Variants in ZNF805 observed in about 807,000 individuals in gnomAD.
The protein encoded by ZNF805 is zinc finger protein 805.
ZNF805 carries 7 observed loss-of-function variants against 13.6 expected under a neutral mutation model. The observed-to-expected ratio is 0.51, with a 90% confidence interval of 0.29 to 0.97. The LOEUF is 0.97. Among genes scored for constraint, ZNF805 ranks in the 50% least tolerant of loss-of-function variants. The pLI, the probability that ZNF805 is intolerant of heterozygous loss-of-function variation, is 0.08. For synonymous variants in ZNF805, 293 were observed against 279.8 expected (o/e 1.05, Z -0.47); for missense variants, 604 against 771.0 (o/e 0.78, Z 2.57).
rs1385591333 is a variant in ZNF805, at chr19:57,258,460, A to G, written c.*3757A>G. Among the ~76,000 whole-genome samples the G allele has an allele frequency of 8.6e-6, 1 of 116,472 alleles. No individual in the cohort carries two copies. The highest frequency in any genetic ancestry group is 1.9e-5 in the Non-Finnish European group (1 of 51,406). The allele number at this position is 116,472 out of a possible 152,430, so 76.4% of individuals were successfully genotyped here. A position where few individuals can be genotyped will look rare whatever the true frequency, so the allele number is the denominator to read the frequency against. On this transcript the variant is annotated 3_prime_UTR_variant, in exon 4 of 4. Transcript: ENST00000414468. ...GGGTTTTTTTTTTTTTGTCTTTAAC[A>G]TTTTTTAGAATTCCATTTGATATAT...
chr19:57,250,302 G>A (rs542785267), intron 3 of ZNF805, among the ~76,000 whole-genome samples: 3 of 152,190 alleles, frequency 2.0e-5, no homozygotes, highest in South Asian at 4.2e-4. Context: ...GCGCGATCTC[G>A]GCTCACCGCA....
chr19:57,245,769 A>G (rs917926604), intron 2 of ZNF805, among the ~76,000 whole-genome samples: 3 of 148,872 alleles, frequency 2.0e-5, no homozygotes, highest in Non-Finnish European at 4.4e-5. Flanking sequence ...ACAGAGCGAG[A>G]CTCCATCTCA....
In ZNF805 at chr19:57,248,621, A is replaced by C. The variant is rs754695347; in HGVS notation, c.174A>C (p.Arg58Ser). Residue 58 changes from arginine (R) to serine (S), a missense_variant, in exon 3 of 4, where the codon AGA becomes AGC. Arg to Ser is a moderately radical substitution (Grantham distance 110). Transcript: ENST00000414468. ...LLVSLGCPVP[R>S]PELIYHLEHG... Reference sequence around the variant, plus strand: ...CATAAACAGGGTGTCCTGTTCCCAGACCTGAGCTGATCTACCACCTAGAGC... The same window carrying C: ...CATAAACAGGGTGTCCTGTTCCCAGCCCTGAGCTGATCTACCACCTAGAGC... The C allele has an allele frequency of 2.5e-6, 4 of 1,595,344 alleles. No individual in the cohort carries two copies. Among genetic ancestry groups the C allele is most frequent in the Non-Finnish European group, 3.4e-6 (4 of 1,170,200 alleles).
At chr19:57,249,134 TAG>T (rs1464502801) in intron 3 of ZNF805, among the ~76,000 whole-genome samples, 5 of 152,346 alleles carry the variant, frequency 3.3e-5, no homozygotes, top group African/African-American at 1.2e-4. Flanking sequence ...ATTCAGGACC[TAG>T]AGTCCTTCTG....
chr19:57,245,707 A>T (rs1338753176), intron 2 of ZNF805, among the ~76,000 whole-genome samples: 1 of 151,296 alleles, frequency 6.6e-6, no homozygotes, highest in East Asian at 2.0e-4. Context: ...TGAACCCAGG[A>T]GGCGGAGCTT....
In ZNF805 at chr19:57,254,930, G is replaced by A. The variant is rs892165561; in HGVS notation, c.*227G>A. The A allele has an allele frequency of 1.1e-5, 6 of 534,424 alleles. No individual in the cohort carries two copies. The Admixed American group carries it at 2.2e-4, about 19-fold the overall frequency. 33.1% of individuals were successfully genotyped at this position (534,424 alleles called of 1,614,324 possible). ...GGTGACATAGAAAAGAAAATGAAAT[G>A]CAGACACTGCTTTTATACTGTTGTC... On this transcript the variant is annotated 3_prime_UTR_variant, in exon 4 of 4. Transcript: ENST00000414468.
chr19:57,261,469 T>C lies in ZNF805; in HGVS notation c.*6766T>C, dbSNP rs1289927667. ...CACATTGTGGCCATTTCTTTTTCCT[T>C]TATCATTCCCACGTCCGGCCACTGC... On this transcript the variant is annotated 3_prime_UTR_variant, in exon 4 of 4. Transcript: ENST00000414468. 1.2e-5 allele frequency: 2 copies of C among 167,076 alleles called. No homozygotes were observed. The highest frequency in any genetic ancestry group is 4.8e-5 in the African/African-American group (2 of 41,444). The allele number at this position is 167,076 out of a possible 1,614,324, so 10.3% of individuals were successfully genotyped here.
rs369328282 is a variant in ZNF805 at position 57,245,555 on chromosome 19, G to A, written c.157+1506G>A. On this transcript the variant is annotated intron_variant, in intron 2 of 3. Coordinates refer to ENST00000414468, the MANE Select transcript of ZNF805 (RefSeq NM_001023563.4). ...AGCACTTTGGGAGGCCGAGATGGGCGGATCACAAGGTCAGGAGATAGAGAC... is the reference window on the plus strand; with the variant it reads ...AGCACTTTGGGAGGCCGAGATGGGCAGATCACAAGGTCAGGAGATAGAGAC... Among the ~76,000 whole-genome samples, 71 of 150,932 alleles carry A rather than the reference G, an allele frequency of 4.7e-4. 1 individual carries two copies. In the East Asian group the frequency reaches 5.5e-3, roughly 12 times the overall value.
rs189360034 is a variant in ZNF805 at position 57,244,520 on chromosome 19, C to T, written c.157+471C>T. ...GCCACCACGCCTGGCCTACACTCAC[C>T]TCTTCCTATACAGTCTCCATGCATC... On this transcript the variant is annotated intron_variant, in intron 2 of 3. Coordinates refer to ENST00000414468, the MANE Select transcript of ZNF805 (RefSeq NM_001023563.4). Among the ~76,000 whole-genome samples the T allele has an allele frequency of 2.5e-3, 376 of 152,186 alleles. 3 individuals are homozygous for T. Among genetic ancestry groups the T allele is most frequent in the African/African-American group, 8.9e-3 (368 of 41,534 alleles).
At position 57,260,502 on chromosome 19, in the gene ZNF805, C is replaced by T. The variant is rs1429193274; in HGVS notation, c.*5799C>T. 6.6e-6 allele frequency among the ~76,000 whole-genome samples: 1 copy of T among 152,168 alleles called. No individual in the cohort carries two copies. The highest frequency in any genetic ancestry group is 2.4e-5 in the African/African-American group (1 of 41,438). ...TTGACCCCCTCACTCTCTTTTTGGA[C>T]CTCCATACTGCTAAATCTCTGACTT... On this transcript the variant is annotated 3_prime_UTR_variant, in exon 4 of 4. Transcript: ENST00000414468.
intron 2 of ZNF805, among the ~76,000 whole-genome samples, chr19:57,245,605 C>CCA (rs1568487990): frequency 4.0e-4 from 60 of 148,694 alleles, no homozygotes; most frequent in African/African-American, 1.3e-3. Flanking sequence ...CGGTGCAACC[C>CCA]TGTCTCTACT....
In ZNF805 at chr19:57,254,299, C is replaced by T. The variant is rs765822738; in HGVS notation, c.1480C>T (p.Arg494Cys). The T allele has an allele frequency of 5.0e-6, 8 of 1,613,860 alleles. No individual in the cohort carries two copies. The highest frequency in any genetic ancestry group is 1.3e-5 in the African/African-American group (1 of 74,850). ...CATGGAGTGTGGAAAGGCCTTCAACCGCAGGTCAGGCCTCACAAGGCACCA... is the reference window on the plus strand; with the variant it reads ...CATGGAGTGTGGAAAGGCCTTCAACTGCAGGTCAGGCCTCACAAGGCACCA... Reference protein sequence around the residue: ...ECMECGKAFNRRSGLTRHQRI... With the variant: ...ECMECGKAFNCRSGLTRHQRI... The change falls in exon 4 of 4, where the codon CGC becomes TGC. Residue 494 changes from arginine (R) to cysteine (C), a missense_variant. Transcript: ENST00000414468.
rs1345880042 is a variant in ZNF805, at chr19:57,257,935, T to C, written c.*3232T>C. On this transcript the variant is annotated 3_prime_UTR_variant, in exon 4 of 4. Coordinates refer to ENST00000414468, the MANE Select transcript of ZNF805 (RefSeq NM_001023563.4). ...GTTGGCCAGGCTGGTCTCGAACTCC[T>C]GACCTCAGGTGATCCACCTGCCTCA... Among the ~76,000 whole-genome samples, 1 of 151,652 alleles carries C rather than the reference T, an allele frequency of 6.6e-6. No homozygotes were observed. Among genetic ancestry groups the C allele is most frequent in the Non-Finnish European group, 1.5e-5 (1 of 67,930 alleles).
intron 1 of ZNF805, among the ~76,000 whole-genome samples, chr19:57,242,011 T>G (rs113276432): frequency 2.0e-5 from 3 of 152,338 alleles, no homozygotes; most frequent in African/African-American, 7.2e-5. Flanking sequence ...ACACAAGAAC[T>G]GTAACGGTTG....
chr19:57,248,817 G>C, intron 3 of ZNF805, 117 bp downstream of exon 3: 2 of 952,220 alleles, frequency 2.1e-6, no homozygotes, highest in Non-Finnish European at 3.3e-6. Context: ...GGGTTTGGGA[G>C]CCTTGGAGCC....
rs988078767 is a variant in ZNF805 at position 57,260,535 on chromosome 19, C to T, written c.*5832C>T. On this transcript the variant is annotated 3_prime_UTR_variant, in exon 4 of 4. Coordinates refer to ENST00000414468, the MANE Select transcript of ZNF805 (RefSeq NM_001023563.4). ...CTGCTAAATCTCTGACTTGAAGGTC[C>T]TTTCCTGGCTTCTGTGAATTCCTGG... Among the ~76,000 whole-genome samples, 1 of 152,178 alleles carries T rather than the reference C, an allele frequency of 6.6e-6. No homozygotes were observed. Among genetic ancestry groups the T allele is most frequent in the Non-Finnish European group, 1.5e-5 (1 of 68,044 alleles).
intron 2 of ZNF805, among the ~76,000 whole-genome samples, 160 bp downstream of exon 2, chr19:57,244,209 T>TC (rs1344705367): frequency 6.8e-6 from 1 of 147,146 alleles, no homozygotes; most frequent in East Asian, 2.0e-4. Flanking sequence ...CTTTTTTTTT[T>TC]TTTTTTTTTT....
intron 2 of ZNF805, among the ~76,000 whole-genome samples, chr19:57,246,449 G>T (rs2087619196): frequency 6.6e-6 from 1 of 152,040 alleles, no homozygotes; most frequent in Admixed American, 6.6e-5. Flanking sequence ...TTCCATTTTT[G>T]AAGAAATCTA....
chr19:57,243,978 A>C lies in ZNF805; in HGVS notation c.86A>C (p.Gln29Pro). 6.2e-7 allele frequency: 1 copy of C among 1,614,144 alleles called. No individual in the cohort carries two copies. The highest frequency in any genetic ancestry group is 8.5e-7 in the Non-Finnish European group (1 of 1,180,020). Residue 29 changes from glutamine to proline, a missense_variant, in exon 2 of 4, where the codon CAG becomes CCG. Transcript: ENST00000414468. ...ACTTTCACCCAGGAGGAGTGGGGCC[A>C]GCTGGACCTAGCTCAGCGGACCCTG... The part of the protein sequence containing the change: ...AVTFTQEEWG[Q>P]LDLAQRTLYQ...
Sources: allele counts gnomAD v4.1 joint callset (sites outside exome capture counted in the v4.1 genomes callset), GRCh38; gene constraint gnomAD v4.1.1; transcripts MANE v1.5; gene names NCBI Gene and HGNC (gene_info 2026-07-23, HGNC 2026-07-21).